SRGAP2: variants seen among roughly 807,000 people sequenced by gnomAD.
SRGAP2 encodes SLIT-ROBO Rho GTPase activating protein 2.
Under a neutral mutation model 57.2 loss-of-function variants are expected in SRGAP2, and 15 were observed. The observed-to-expected ratio is 0.26, with a 90% CI of 0.18 to 0.40. The LOEUF (loss-of-function observed/expected upper bound fraction) is 0.40. Ranked by LOEUF, SRGAP2 falls within the 10% of genes least tolerant of loss-of-function variation. The pLI is 1.00. For synonymous variants in SRGAP2, 249 were observed against 248.0 expected, an observed-to-expected ratio of 1.00 and a Z score of -0.04; for missense variants, 520 against 669.6, an observed-to-expected ratio of 0.78 and a Z score of 2.47.
chr1:206,459,130 T>C (rs1193025738), intron 22 of SRGAP2, among the ~76,000 whole-genome samples, 183 bp downstream of exon 22: 1 of 152,170 alleles, frequency 6.6e-6, no homozygotes, highest in East Asian at 1.9e-4. Flanking sequence ...TGCCTGTCCC[T>C]CTCTCCCCAG....
intron 3 of SRGAP2, among the ~76,000 whole-genome samples, chr1:206,310,518 A>G (rs1197722166): frequency 1.3e-5 from 2 of 152,210 alleles, no homozygotes; most frequent in East Asian, 3.8e-4. Context: ...CTGCCTGCTC[A>G]AGTTCAGTGA....
At chr1:206,302,184 G>A in intron 2 of SRGAP2, among the ~76,000 whole-genome samples, 2 of 144,056 alleles carry the variant, frequency 1.4e-5, no homozygotes, top group Middle Eastern at 6.8e-3. Context: ...AGAGGGAAAA[G>A]ATGAAAGAAA....
chr1:206,322,567 G>A (rs1183248905), intron 3 of SRGAP2, among the ~76,000 whole-genome samples: 9 of 130,912 alleles, frequency 6.9e-5, no homozygotes, highest in African/African-American at 9.5e-5. Context: ...GTGACAGACC[G>A]AGACTCCATA....
chr1:206,239,778 G>A (rs1668098235), intron 2 of SRGAP2, among the ~76,000 whole-genome samples: 1 of 151,780 alleles, frequency 6.6e-6, no homozygotes, highest in Non-Finnish European at 1.5e-5. Context: ...GATTTTTGAT[G>A]TACTTTTTAG....
chr1:206,324,405 C>G (rs1673711254), intron 3 of SRGAP2, among the ~76,000 whole-genome samples: 1 of 152,158 alleles, frequency 6.6e-6, no homozygotes, highest in Non-Finnish European at 1.5e-5. Context: ...CGTTTATACC[C>G]TTTTAAAATC....
At chr1:206,257,627 C>G (rs1669265057) in intron 2 of SRGAP2, among the ~76,000 whole-genome samples, 1 of 139,584 alleles carries the variant, frequency 7.2e-6, no homozygotes. Flanking sequence ...GTGCCAGGCA[C>G]CGATCCAGGT....
At chr1:206,303,587 T>C in intron 3 of SRGAP2, 114 bp downstream of exon 3, 4 of 683,990 alleles carry the variant, frequency 5.8e-6, no homozygotes, top group Non-Finnish European at 9.3e-6. Flanking sequence ...TGGCTTCAGA[T>C]TGGTTGAAAG....
At chr1:206,284,860 G>T (rs1157641432) in intron 2 of SRGAP2, among the ~76,000 whole-genome samples, 1 of 152,164 alleles carries the variant, frequency 6.6e-6, no homozygotes, top group Non-Finnish European at 1.5e-5. Context: ...GGCCTAAGTG[G>T]TGTTTGCAAA....
At chr1:206,395,352 TAG>T (rs1657477517) in intron 7 of SRGAP2, among the ~76,000 whole-genome samples, 1 of 140,598 alleles carries the variant, frequency 7.1e-6, no homozygotes, top group African/African-American at 3.0e-5. Context: ...CTTAATGCCC[TAG>T]GTGTCATTGT....
At chr1:206,290,958 A>G (rs1671286110) in intron 2 of SRGAP2, among the ~76,000 whole-genome samples, 1 of 151,560 alleles carries the variant, frequency 6.6e-6, no homozygotes, top group African/African-American at 2.4e-5. Context: ...TTTTCCTGCT[A>G]TTGCCTTCAA....
At chr1:206,436,860 C>T in intron 14 of SRGAP2, 105 bp from the exon 15 acceptor site, 2 of 751,958 alleles carry the variant, frequency 2.7e-6, no homozygotes, top group East Asian at 4.9e-5. Flanking sequence ...AGACAGCGTG[C>T]TTAAATACAT....
chr1:206,355,541 G>T (rs1401858959), intron 4 of SRGAP2, among the ~76,000 whole-genome samples: 1 of 152,074 alleles, frequency 6.6e-6, no homozygotes, highest in Non-Finnish European at 1.5e-5. Context: ...TGATTGTAAG[G>T]TGTTATTCAT....
At chr1:206,311,535 A>G (rs1169031281) in intron 3 of SRGAP2, among the ~76,000 whole-genome samples, 1 of 152,256 alleles carries the variant, frequency 6.6e-6, no homozygotes, top group Non-Finnish European at 1.5e-5. Context: ...TAGATAGAGC[A>G]GTATTAGAAA....
Position 206,422,477 on chromosome 1 carries a change from G to T in SRGAP2, c.1494+1203G>T, listed in dbSNP as rs558476761. 1.9e-4 allele frequency among the ~76,000 whole-genome samples: 29 copies of T among 152,264 alleles called. No individual in the cohort carries two copies. The South Asian group carries it at 6.0e-3, about 32-fold the overall frequency. The stretch of plus-strand genomic sequence containing the variant: ...CCATAATTTCATTTAAAACTAGAGA[G>T]GAATGGAGTGACTCCTAGAGATAAT... On this transcript the variant is annotated intron_variant, in intron 13 of 22. Transcript: ENST00000573034.
intron 3 of SRGAP2, among the ~76,000 whole-genome samples, chr1:206,313,672 T>C (rs1672838800): frequency 6.6e-6 from 1 of 152,240 alleles, no homozygotes; most frequent in African/African-American, 2.4e-5. Flanking sequence ...AAACCACTGA[T>C]GGTTTAAATA....
At chr1:206,317,734 G>A (rs1470789089) in intron 3 of SRGAP2, among the ~76,000 whole-genome samples, 1 of 139,546 alleles carries the variant, frequency 7.2e-6, no homozygotes, top group Non-Finnish European at 1.5e-5. Context: ...AAGATTTAGA[G>A]AGAATGAAAA....
rs1558359226 is a variant in SRGAP2, at chr1:206,372,977, CTTTCTTT to C, written c.424-11036_424-11030del. Among the ~76,000 whole-genome samples, 182 of 40,346 alleles carry C rather than the reference CTTTCTTT, an allele frequency of 4.5e-3. 7 individuals carry two copies. Among genetic ancestry groups the C allele is most frequent in the African/African-American group, 0.011 (104 of 9,112 alleles). The allele number at this position is 40,346 out of a possible 152,430, so 26.5% of individuals were successfully genotyped here. A position where few individuals can be genotyped will look rare whatever the true frequency, so the allele number is the denominator to read the frequency against. The stretch of plus-strand genomic sequence containing the variant: ...TTTCTTTTCTTTCCTTTCTTTCTTT[CTTTCTTT>C]CTTTCTTTCTTTCTTTCTTTCTTTC... On this transcript the variant is annotated intron_variant, in intron 4 of 22. Coordinates refer to ENST00000573034, the MANE Select transcript of SRGAP2 (RefSeq NM_015326.5).
chr1:206,439,742 A>G lies in SRGAP2; in HGVS notation c.1769-234A>G, dbSNP rs540499455. Among the ~76,000 whole-genome samples, 11 of 152,326 alleles carry G rather than the reference A, an allele frequency of 7.2e-5. No individual in the cohort carries two copies. In the South Asian group the frequency reaches 1.0e-3, roughly 14 times the overall value. ...TTGGCACAGTTCCCTGTGCCCAAGAAGTATACACCTTACATCCGGCAATGG... is the reference window on the plus strand; with the variant it reads ...TTGGCACAGTTCCCTGTGCCCAAGAGGTATACACCTTACATCCGGCAATGG... On this transcript the variant is annotated intron_variant, in intron 16 of 22. Transcript: ENST00000573034.
At position 206,451,066 on chromosome 1, in the gene SRGAP2, A is replaced by C. The variant is rs144098686; in HGVS notation, c.2179+601A>C. 1.7e-3 allele frequency among the ~76,000 whole-genome samples: 249 copies of C among 143,744 alleles called. 1 individual carries two copies. The highest frequency in any genetic ancestry group is 6.1e-3 in the African/African-American group (235 of 38,806). 94.3% of individuals were successfully genotyped at this position (143,744 alleles called of 152,430 possible). On this transcript the variant is annotated intron_variant, in intron 19 of 22. Transcript: ENST00000573034. The stretch of plus-strand genomic sequence containing the variant: ...CAGGAGTTCAAGGCTGCAACAAGCT[A>C]TGATTGTACTACAGTACTCCAGCCT...
Sources: allele counts gnomAD v4.1 joint callset (sites outside exome capture counted in the v4.1 genomes callset), GRCh38; gene constraint gnomAD v4.1.1; transcripts MANE v1.5; gene names NCBI Gene and HGNC (gene_info 2026-07-23, HGNC 2026-07-21).